PCDHA11: variants seen among roughly 807,000 people sequenced by gnomAD.
PCDHA11 encodes protocadherin alpha 11, also known as protocadherin alpha-11.
Under a neutral mutation model 70.3 loss-of-function variants are expected in PCDHA11, and 61 were observed. That is an observed-to-expected ratio of 0.87 (90% CI 0.71 to 1.07). The LOEUF is 1.07. PCDHA11 is among the 50% of genes least tolerant of loss of function. The pLI is 0.00. For missense variants in PCDHA11, 1,324 were observed against 1,237.5 expected (o/e 1.07, Z -1.05); for synonymous variants, 633 against 555.1 (o/e 1.14, Z -1.97).
rs116743674 is a variant in PCDHA11, at chr5:140,927,144, A to G, written c.2392-51805A>G. On this transcript the variant is annotated intron_variant, in intron 1 of 3. Transcript: ENST00000398640. ...TGGTCAGAGAGCCGGCGGACCGCGA[A>G]CAGCTGTGCAGGGCCAAAGCTGCCT... 3.2e-3 allele frequency: 5,191 copies of G among 1,614,096 alleles called. 26 individuals are homozygous for G. The highest frequency in any genetic ancestry group is 0.019 in the African/African-American group (1,449 of 75,034).
At chr5:140,890,204 CT>C (rs1256018806) in intron 1 of PCDHA11, among the ~76,000 whole-genome samples, 2 of 151,984 alleles carry the variant, frequency 1.3e-5, no homozygotes, top group African/African-American at 4.8e-5. Context: ...TTTTGTTTTT[CT>C]TTTTTCCCAG....
At chr5:140,882,891 A>G (rs782750187) in intron 1 of PCDHA11, 3 of 1,614,230 alleles carry the variant, frequency 1.9e-6, no homozygotes, top group Admixed American at 1.7e-5. Context: ...ATTCAGGAAC[A>G]TAGTTTATTA....
At chr5:140,940,994 G>A (rs1375374431) in intron 1 of PCDHA11, among the ~76,000 whole-genome samples, 1 of 152,094 alleles carries the variant, frequency 6.6e-6, no homozygotes, top group Non-Finnish European at 1.5e-5. Context: ...AAGTTTATAG[G>A]ATTAAATTTT....
rs571391051 is a variant in PCDHA11 at position 140,964,645 on chromosome 5, A to G, written c.2392-14304A>G. Among the ~76,000 whole-genome samples the G allele has an allele frequency of 4.6e-5, 7 of 152,152 alleles. No individual in the cohort carries two copies. The East Asian group carries it at 7.7e-4, about 17-fold the overall frequency. ...TATAAGCCATTTATTTTCAGAAACA[A>G]GTAATGGGTGAGGACACAGGCCAGG... is the stretch of plus-strand genomic sequence containing the variant. On this transcript the variant is annotated intron_variant, in intron 1 of 3. Coordinates refer to ENST00000398640, the MANE Select transcript of PCDHA11 (RefSeq NM_018902.5).
rs1554164920 is a variant in PCDHA11, at chr5:140,870,949, G to A, written c.1846G>A (p.Gly616Ser). Reference protein sequence around the residue: ...LSYELQPAAGGSRIPFRVGLY... With the variant: ...LSYELQPAAGSSRIPFRVGLY... ...ATATGAATTGCAGCCGGCGGCGGGC[G>A]GCTCGCGCATCCCGTTCCGCGTGGG... Residue 616 changes from glycine to serine, a missense_variant, in exon 1 of 4, where the codon GGC (glycine) becomes AGC (serine). By Grantham distance (56) the Gly-to-Ser change is moderately conservative. Transcript: ENST00000398640. The A allele has an allele frequency of 1.2e-6, 2 of 1,613,686 alleles. No individual in the cohort carries two copies. The highest frequency in any genetic ancestry group is 2.2e-5 in the East Asian group (1 of 44,870).
intron 3 of PCDHA11, among the ~76,000 whole-genome samples, chr5:140,990,426 G>A (rs3756324): frequency 0.3 from 46,292 of 152,022 alleles, 7,253 homozygotes; most frequent in East Asian, 0.43. Flanking sequence ...AACCAGCATT[G>A]ACCCAATCTT....
At chr5:140,995,819 C>T (rs1045622508) in intron 3 of PCDHA11, among the ~76,000 whole-genome samples, 1 of 152,088 alleles carries the variant, frequency 6.6e-6, no homozygotes, top group African/African-American at 2.4e-5. Flanking sequence ...AGGGAGATAG[C>T]CTGGCATTGC....
At chr5:140,890,313 G>T (rs1191082730) in intron 1 of PCDHA11, among the ~76,000 whole-genome samples, 2 of 152,112 alleles carry the variant, frequency 1.3e-5, no homozygotes, top group South Asian at 2.1e-4. Context: ...ATATTAAGTT[G>T]TTTTAAGATA....
intron 1 of PCDHA11, chr5:140,928,375 T>C: frequency 6.2e-7 from 1 of 1,614,184 alleles, no homozygotes. Context: ...GCCATCAGCC[T>C]CTAGCTTGCT....
intron 1 of PCDHA11, among the ~76,000 whole-genome samples, chr5:140,896,536 C>CTTTT (rs34213614): frequency 1.4e-5 from 2 of 145,620 alleles, no homozygotes; most frequent in Admixed American, 6.8e-5. Context: ...AGCTATTTTT[C>CTTTT]TTTTTTTTTT....
At position 140,967,211 on chromosome 5, in the gene PCDHA11, C is replaced by T. The variant is rs549238768; in HGVS notation, c.2392-11738C>T. On this transcript the variant is annotated intron_variant, in intron 1 of 3. Transcript: ENST00000398640. ...CATCAACGACAACTCACCGCGTTTC[C>T]CGCGGCCCAACTACCAGCTTCAGGT... 1.1e-5 allele frequency: 18 copies of T among 1,613,676 alleles called. No individual in the cohort carries two copies. The East Asian group carries it at 3.3e-4, about 30-fold the overall frequency.
chr5:141,001,764 G>A (rs1186356180), intron 3 of PCDHA11, among the ~76,000 whole-genome samples: 1 of 152,160 alleles, frequency 6.6e-6, no homozygotes, highest in East Asian at 1.9e-4. Context: ...GATGGCGGAT[G>A]GTTTTTGCCT....
At position 140,869,433 on chromosome 5, in the gene PCDHA11, G is replaced by A; in HGVS notation, c.330G>A (p.Val110=). ...GCAGCATCCACCTGGAGGTGATCGT[G>A]GACAGGCCGCTGCAGGTTTTCCATG... The part of the protein sequence containing the change: ...AECSIHLEVI[V]DRPLQVFHVN... Residue 110 remains valine (V), a synonymous_variant, in exon 1 of 4, where the codon GTG becomes GTA. Transcript: ENST00000398640. 1.2e-6 allele frequency: 2 copies of A among 1,614,226 alleles called. No homozygotes were observed. The highest frequency in any genetic ancestry group is 1.7e-6 in the Non-Finnish European group (2 of 1,180,044).
intron 1 of PCDHA11, among the ~76,000 whole-genome samples, chr5:140,944,623 T>C (rs535315515): frequency 6.6e-6 from 1 of 152,320 alleles, no homozygotes; most frequent in East Asian, 1.9e-4. Flanking sequence ...AGAAGTATAG[T>C]GTTGTAAGCC....
chr5:140,952,798 G>A (rs1554220633), intron 1 of PCDHA11, among the ~76,000 whole-genome samples: 1 of 152,138 alleles, frequency 6.6e-6, no homozygotes, highest in Non-Finnish European at 1.5e-5. Flanking sequence ...TAACTGGCTC[G>A]CAGTTCTGCA....
chr5:140,928,698 G>A, intron 1 of PCDHA11: 1 of 1,614,148 alleles, frequency 6.2e-7, no homozygotes, highest in East Asian at 2.2e-5. Context: ...ACATCTCCCG[G>A]GCGTCTGACT....
chr5:140,941,894 T>G (rs1398323055), intron 1 of PCDHA11, among the ~76,000 whole-genome samples: 2 of 152,230 alleles, frequency 1.3e-5, no homozygotes, highest in African/African-American at 4.8e-5. Context: ...AGCATCTAAG[T>G]AACATTGAAA....
chr5:140,980,734 T>C (rs2096903764), intron 2 of PCDHA11, among the ~76,000 whole-genome samples: 3 of 151,998 alleles, frequency 2.0e-5, no homozygotes, highest in African/African-American at 4.8e-5. Context: ...TAAGATATTA[T>C]GAGATTTGAG....
intron 1 of PCDHA11, among the ~76,000 whole-genome samples, chr5:140,897,064 CTT>C (rs1313385579): frequency 3.3e-5 from 5 of 152,042 alleles, no homozygotes; most frequent in Non-Finnish European, 4.4e-5. Flanking sequence ...AATACTATGT[CTT>C]ATTCATTTTT....
Sources: gnomAD v4.1 joint callset for allele counts (sites outside exome capture counted in the v4.1 genomes callset) on GRCh38, gnomAD v4.1.1 for gene constraint, MANE v1.5 for transcripts, NCBI Gene and HGNC (gene_info 2026-07-23, HGNC 2026-07-21) for gene names.